Variants in CARMIL1 observed in about 807,000 individuals in gnomAD.
The protein encoded by CARMIL1 is capping protein regulator and myosin 1 linker 1.
In CARMIL1, 90 loss-of-function variants were observed where a neutral mutation model predicts 177.1. The ratio of observed to expected loss-of-function variants is 0.51; its 90% CI spans 0.43 to 0.61. The LOEUF is 0.61. Ranked by LOEUF, CARMIL1 falls within the 20% of genes least tolerant of loss-of-function variation. The pLI is 0.00. For missense variants in CARMIL1, 1,380 were observed against 1,667.0 expected (o/e 0.83, Z 3.00); for synonymous variants, 577 against 606.2 (o/e 0.95, Z 0.71).
intron 2 of CARMIL1, among the ~76,000 whole-genome samples, chr6:25,370,747 T>C (rs1790326145): frequency 6.6e-6 from 1 of 152,192 alleles, no homozygotes; most frequent in Non-Finnish European, 1.5e-5. Context: ...AAACATATTT[T>C]TTTTTTAGTT....
intron 2 of CARMIL1, among the ~76,000 whole-genome samples, chr6:25,327,095 A>G (rs921484521): frequency 2.6e-5 from 4 of 152,210 alleles, no homozygotes; most frequent in Non-Finnish European, 4.4e-5. Flanking sequence ...TACAGTTTCC[A>G]GAAAGGAATT....
chr6:25,441,552 C>T (rs1482709402), intron 5 of CARMIL1, among the ~76,000 whole-genome samples: 2 of 151,944 alleles, frequency 1.3e-5, no homozygotes, highest in African/African-American at 4.8e-5. Context: ...TCTAAAATGA[C>T]ATTTTCTCCT....
At chr6:25,448,901 A>G (rs1186072855) in intron 5 of CARMIL1, among the ~76,000 whole-genome samples, 7 of 149,542 alleles carry the variant, frequency 4.7e-5, no homozygotes, top group Non-Finnish European at 8.9e-5. Context: ...ACATTACCAC[A>G]CACCAGGGAT....
chr6:25,482,408 T>A, intron 12 of CARMIL1, 65 bp downstream of exon 12: 2 of 688,438 alleles, frequency 2.9e-6, no homozygotes, highest in Non-Finnish European at 4.9e-6. Context: ...GCTACCTTAG[T>A]TAGAATTATT....
chr6:25,581,500 TG>T, intron 31 of CARMIL1, 61 bp downstream of exon 31: 1 of 1,460,100 alleles, frequency 6.8e-7, no homozygotes, highest in Non-Finnish European at 9.2e-7. Context: ...TGGGGAAAGT[TG>T]GAGGGTCTTG....
chr6:25,386,798 G>A (rs1047324807), intron 2 of CARMIL1, among the ~76,000 whole-genome samples: 1 of 151,946 alleles, frequency 6.6e-6, no homozygotes, highest in African/African-American at 2.4e-5. Context: ...AAAGTAACAA[G>A]CAATAGGTGA....
intron 11 of CARMIL1, among the ~76,000 whole-genome samples, chr6:25,476,773 A>G (rs1049430699): frequency 1.3e-5 from 2 of 152,118 alleles, no homozygotes; most frequent in Non-Finnish European, 2.9e-5. Context: ...CTAAGCCAGG[A>G]CTATTATTTG....
intron 29 of CARMIL1, among the ~76,000 whole-genome samples, chr6:25,579,325 T>C (rs925300026): frequency 7.9e-5 from 12 of 151,238 alleles, no homozygotes; most frequent in African/African-American, 2.7e-4. Flanking sequence ...TTTGTGACAA[T>C]CTAAATGAAA....
chr6:25,570,673 C>G (rs1480882531), intron 29 of CARMIL1, among the ~76,000 whole-genome samples: 2 of 152,162 alleles, frequency 1.3e-5, no homozygotes, highest in African/African-American at 2.4e-5. Flanking sequence ...CTCATCAGTG[C>G]CGTTCCCTAA....
intron 31 of CARMIL1, among the ~76,000 whole-genome samples, chr6:25,592,938 T>C (rs1348993816): frequency 6.6e-6 from 1 of 152,214 alleles, no homozygotes; most frequent in Non-Finnish European, 1.5e-5. Context: ...AGCATCTGAC[T>C]AAGCTTACTA....
intron 16 of CARMIL1, among the ~76,000 whole-genome samples, chr6:25,499,786 T>C (rs929069115): frequency 6.6e-6 from 1 of 152,236 alleles, no homozygotes; most frequent in Non-Finnish European, 1.5e-5. Context: ...TAACAATTGC[T>C]TAATAATATT....
Position 25,594,540 on chromosome 6 carries a change from T to G in CARMIL1, c.3119+13T>G. 7.4e-7 allele frequency: 1 copy of G among 1,353,998 alleles called. No individual in the cohort carries two copies. The highest frequency in any genetic ancestry group is 1.1e-6 in the Non-Finnish European group (1 of 946,990). 83.9% of individuals were successfully genotyped at this position (1,353,998 alleles called of 1,614,324 possible). On this transcript the variant is annotated intron_variant, in intron 32 of 36. Transcript: ENST00000329474. Reference sequence around the variant, plus strand: ...AAATGGATTCCAAGTGAGTTCAGAGTAATTTCACTGATAATGCTATTTTAT... The same window carrying G: ...AAATGGATTCCAAGTGAGTTCAGAGGAATTTCACTGATAATGCTATTTTAT...
Position 25,390,325 on chromosome 6 carries a change from T to A in CARMIL1, c.139-29789T>A, listed in dbSNP as rs1449368565. On this transcript the variant is annotated intron_variant, in intron 2 of 36. Coordinates refer to ENST00000329474, the MANE Select transcript of CARMIL1 (RefSeq NM_017640.6). ...ATATATATATATATATATATATTTT[T>A]TTTTTTTTTTTTTTGAGACAGGGTC... Among the ~76,000 whole-genome samples, 159 of 126,248 alleles carry A rather than the reference T, an allele frequency of 1.3e-3. 1 individual carries two copies. Among genetic ancestry groups the A allele is most frequent in the East Asian group, 3.7e-3 (13 of 3,548 alleles). The allele number at this position is 126,248 out of a possible 152,430, so 82.8% of individuals were successfully genotyped here.
chr6:25,458,702 C>T (rs1197825507), intron 8 of CARMIL1, among the ~76,000 whole-genome samples: 2 of 152,028 alleles, frequency 1.3e-5, no homozygotes, highest in African/African-American at 2.4e-5. Flanking sequence ...GGTTAAGACA[C>T]GGGATCATGA....
chr6:25,392,900 A>C lies in CARMIL1; in HGVS notation c.139-27214A>C, dbSNP rs539388735. 2.2e-3 allele frequency among the ~76,000 whole-genome samples: 335 copies of C among 152,220 alleles called. 3 individuals are homozygous for C. Among genetic ancestry groups the C allele is most frequent in the Middle Eastern group, 0.02 (6 of 294 alleles). ...TAGGTCTAGTGGATGGGAAAAAAAAAACAACAGTGTTCCTGATCTTCCTCC... is the reference window on the plus strand; with the variant it reads ...TAGGTCTAGTGGATGGGAAAAAAAACACAACAGTGTTCCTGATCTTCCTCC... On this transcript the variant is annotated intron_variant, in intron 2 of 36. Coordinates refer to ENST00000329474, the MANE Select transcript of CARMIL1 (RefSeq NM_017640.6).
At chr6:25,336,712 A>C (rs1156504355) in intron 2 of CARMIL1, among the ~76,000 whole-genome samples, 2 of 152,220 alleles carry the variant, frequency 1.3e-5, no homozygotes, top group Non-Finnish European at 2.9e-5. Context: ...TTTATAGTAC[A>C]TAGGACATGG....
intron 26 of CARMIL1, among the ~76,000 whole-genome samples, chr6:25,543,755 T>C (rs960902989): frequency 6.6e-6 from 1 of 152,186 alleles, no homozygotes; most frequent in African/African-American, 2.4e-5. Context: ...AGTTTTCTTC[T>C]TTCTAGACTT....
intron 2 of CARMIL1, 62 bp downstream of exon 2, chr6:25,284,971 G>A: frequency 9.6e-7 from 1 of 1,037,650 alleles, no homozygotes; most frequent in Non-Finnish European, 1.5e-6. Context: ...TCATTGTTTA[G>A]ATTGCTTAAT....
At chr6:25,434,782 C>T (rs951084950) in intron 4 of CARMIL1, among the ~76,000 whole-genome samples, 2 of 152,038 alleles carry the variant, frequency 1.3e-5, no homozygotes, top group African/African-American at 4.8e-5. Context: ...AATCTCTTGA[C>T]CTTGTGATCC....
Sources: gnomAD v4.1 joint callset for allele counts (sites outside exome capture counted in the v4.1 genomes callset) on GRCh38, gnomAD v4.1.1 for gene constraint, MANE v1.5 for transcripts, NCBI Gene and HGNC (gene_info 2026-07-23, HGNC 2026-07-21) for gene names.